DPP6: variants seen among roughly 807,000 people sequenced by gnomAD.
DPP6 encodes A-type potassium channel modulatory protein DPP6.
A neutral mutation model predicts 122.6 loss-of-function variants in DPP6; 69 were observed. The ratio of observed to expected loss-of-function variants is 0.56; its 90% confidence interval spans 0.46 to 0.69. The LOEUF (loss-of-function observed/expected upper bound fraction) is 0.69. DPP6 is among the 30% of genes least tolerant of loss of function. The pLI, the probability that DPP6 is intolerant of heterozygous loss-of-function variation, is 0.00. For synonymous variants in DPP6, 418 were observed against 433.1 expected (o/e 0.97, Z 0.43); for missense variants, 928 against 1,116.9 (o/e 0.83, Z 2.41).
intron 3 of DPP6, among the ~76,000 whole-genome samples, chr7:154,491,394 T>C (rs1485020568): frequency 6.6e-6 from 1 of 152,148 alleles, no homozygotes; most frequent in Admixed American, 6.5e-5. Flanking sequence ...ATTGCTCAGA[T>C]CCCACAGATG....
intron 1 of DPP6, among the ~76,000 whole-genome samples, chr7:154,247,079 G>A (rs1179593056): frequency 4.6e-5 from 7 of 152,284 alleles, no homozygotes; most frequent in South Asian, 4.1e-4. Flanking sequence ...TTGGGGGGCC[G>A]AGGTCAGCGG....
intron 7 of DPP6, among the ~76,000 whole-genome samples, chr7:154,676,343 G>A (rs1371932521): frequency 2.7e-5 from 3 of 112,998 alleles, no homozygotes; most frequent in African/African-American, 5.6e-5. Flanking sequence ...GCCATGGGGC[G>A]TGCTGTCTGG....
intron 16 of DPP6, among the ~76,000 whole-genome samples, chr7:154,813,229 C>A (rs1377333742): frequency 6.6e-6 from 1 of 151,560 alleles, no homozygotes; most frequent in Admixed American, 6.6e-5. Flanking sequence ...TACAGGTGCC[C>A]GCCACAATGC....
chr7:154,409,164 A>G (rs1049718518), intron 1 of DPP6, among the ~76,000 whole-genome samples: 4 of 152,144 alleles, frequency 2.6e-5, no homozygotes, highest in Non-Finnish European at 4.4e-5. Context: ...AAAATTCCCA[A>G]TACCTCAGAA....
In DPP6 at chr7:154,063,452, C is replaced by A. The variant is rs1216156473; in HGVS notation, c.243+10389C>A. ...ACCCCCATCGCAAGGGGGGGAGGCA[C>A]CTCCCGCGAGGCAGGGACTGAGAGC... On this transcript the variant is annotated intron_variant, in intron 1 of 25. Coordinates refer to ENST00000377770, the MANE Select transcript of DPP6 (RefSeq NM_130797.4). Among the ~76,000 whole-genome samples the A allele has an allele frequency of 1.5e-5, 2 of 133,704 alleles. 1 individual carries two copies. The highest frequency in any genetic ancestry group is 4.6e-4 in the East Asian group (2 of 4,346). 87.7% of individuals were successfully genotyped at this position (133,704 alleles called of 152,430 possible).
At chr7:154,089,265 AT>A (rs570577109) in intron 1 of DPP6, among the ~76,000 whole-genome samples, 1 of 150,314 alleles carries the variant, frequency 6.7e-6, no homozygotes, top group Admixed American at 6.6e-5. Flanking sequence ...AGGAATTGTG[AT>A]TTTTTTCTTT....
At chr7:154,858,648 A>G (rs1803043777) in intron 17 of DPP6, 1 of 152,286 alleles carries the variant, frequency 6.6e-6, no homozygotes, top group Admixed American at 6.5e-5. Context: ...CAGGGAAGAG[A>G]TGCTCCTCAG....
chr7:154,769,547 C>G lies in DPP6; in HGVS notation c.1014C>G (p.Thr338=). The G allele has an allele frequency of 1.2e-6, 2 of 1,610,550 alleles. No homozygotes were observed. Among genetic ancestry groups the G allele is most frequent in the Non-Finnish European group, 1.7e-6 (2 of 1,177,722 alleles). Residue 338 remains threonine, a synonymous_variant, in exon 9 of 26, where the codon ACC becomes ACG. Transcript: ENST00000377770. ...LPTYTGSIYP[T]VKPYHYPKAG... ...CTTACACCGGCTCCATCTACCCCAC[C>G]GTGAAGCCCTACCACTATCCCAAGG...
chr7:154,307,376 G>T (rs371420693), intron 1 of DPP6, among the ~76,000 whole-genome samples: 6 of 152,210 alleles, frequency 3.9e-5, no homozygotes, highest in Admixed American at 2.0e-4. Context: ...GCTACAGCGA[G>T]CAGGTGGGAC....
At position 154,481,124 on chromosome 7, in the gene DPP6, A is replaced by C. The variant is rs1823236039; in HGVS notation, c.457+6087A>C. ...ACTCCGGCACCTCAGGTACTAGCTC[A>C]GGTGCAAGGAGAAGGGGATGCTTGG... On this transcript the variant is annotated intron_variant, in intron 3 of 25. Coordinates refer to ENST00000377770, the MANE Select transcript of DPP6 (RefSeq NM_130797.4). The surrounding 1 kb of genome is among the most constrained non-coding windows in gnomAD (Gnocchi z 4.2). Among the ~76,000 whole-genome samples the C allele has an allele frequency of 1.3e-5, 2 of 152,084 alleles. No homozygotes were observed. Among genetic ancestry groups the C allele is most frequent in the Non-Finnish European group, 2.9e-5 (2 of 68,010 alleles).
At chr7:154,437,168 C>G (rs1489348001) in intron 1 of DPP6, among the ~76,000 whole-genome samples, 1 of 152,214 alleles carries the variant, frequency 6.6e-6, no homozygotes, top group Non-Finnish European at 1.5e-5. Context: ...GATTACTCAT[C>G]AATTGCCTCT....
At chr7:154,162,684 C>A (rs1471769509) in intron 1 of DPP6, among the ~76,000 whole-genome samples, 1 of 152,174 alleles carries the variant, frequency 6.6e-6, no homozygotes, top group African/African-American at 2.4e-5. Context: ...CTGTGTGTTG[C>A]TAGTGTTGAG....
intron 3 of DPP6, chr7:154,475,905 C>CA (rs1352051979): frequency 4.6e-5 from 7 of 152,248 alleles, no homozygotes; most frequent in African/African-American, 1.4e-4. Context: ...CCAGAGAGGT[C>CA]AAGTGACTTT....
chr7:154,188,082 C>T (rs976088583), intron 1 of DPP6, among the ~76,000 whole-genome samples: 2 of 151,952 alleles, frequency 1.3e-5, no homozygotes, highest in Non-Finnish European at 2.9e-5. Flanking sequence ...CTTGTGGTCA[C>T]GGTGGTTCTC....
intron 1 of DPP6, among the ~76,000 whole-genome samples, chr7:154,084,774 G>A (rs1804264518): frequency 6.8e-6 from 1 of 147,902 alleles, no homozygotes; most frequent in Admixed American, 6.8e-5. Flanking sequence ...AGGATCATGA[G>A]GTCAGGAGAT....
Position 154,003,437 on chromosome 7 carries a change from C to T in DPP6, c.51+115703C>T, listed in dbSNP as rs144439036. Among the ~76,000 whole-genome samples the T allele has an allele frequency of 4.6e-3, 705 of 152,294 alleles. 3 individuals are homozygous for T. Among genetic ancestry groups the T allele is most frequent in the African/African-American group, 0.016 (661 of 41,546 alleles). On this transcript the variant is annotated intron_variant, in intron 1 of 25. Transcript: ENST00000404039. ...TTTAGCCAGGCTCACAATCAATAGT[C>T]ATTTGATAAAAGCTGAGCGTGTGTG...
chr7:154,205,402 T>C (rs1417747634), intron 1 of DPP6, among the ~76,000 whole-genome samples: 1 of 152,212 alleles, frequency 6.6e-6, no homozygotes, highest in Non-Finnish European at 1.5e-5. Context: ...TATAATCTTG[T>C]CATTTCATGT....
At chr7:154,437,983 G>A (rs1298838442) in intron 1 of DPP6, among the ~76,000 whole-genome samples, 2 of 131,684 alleles carry the variant, frequency 1.5e-5, no homozygotes, top group African/African-American at 4.9e-5. Context: ...TGTAAACCAA[G>A]AGTGTTGTTG....
At chr7:153,817,397 T>C in the DPP6 span, among the ~76,000 whole-genome samples, 1 of 140,466 alleles carries the variant, frequency 7.1e-6, no homozygotes, top group East Asian at 2.4e-4. Context: ...GAATTAAAGA[T>C]GTAAATGTGG....
Sources: gnomAD v4.1 joint callset for allele counts (sites outside exome capture counted in the v4.1 genomes callset) on GRCh38, gnomAD v4.1.1 for gene constraint, Gnocchi (gnomAD v3.1) non-coding constraint, MANE v1.5 for transcripts, NCBI Gene and HGNC (gene_info 2026-07-23, HGNC 2026-07-21) for gene names.